UGGT1: variants seen among roughly 807,000 people sequenced by gnomAD.
UGGT1 encodes UDP-glucose:glycoprotein glucosyltransferase 1.
UGGT1 carries 107 observed loss-of-function variants against 203.9 expected under a neutral mutation model. The observed-to-expected ratio is 0.52, with a 90% CI of 0.45 to 0.62. The LOEUF is 0.62. UGGT1 is among the 20% of genes least tolerant of loss of function. The pLI is 0.00. For missense variants in UGGT1, 1,673 were observed against 1,867.2 expected, an observed-to-expected ratio of 0.90 and a Z score of 1.92; for synonymous variants, 628 against 653.5, an observed-to-expected ratio of 0.96 and a Z score of 0.59.
intron 2 of UGGT1, among the ~76,000 whole-genome samples, chr2:128,102,091 G>A (rs940989309): frequency 3.3e-5 from 5 of 151,494 alleles, no homozygotes; most frequent in African/African-American, 4.9e-5. Flanking sequence ...CTCTCCTCCC[G>A]CACTAGAATA....
intron 2 of UGGT1, among the ~76,000 whole-genome samples, chr2:128,097,869 A>C (rs186532795): frequency 2.0e-5 from 3 of 152,134 alleles, no homozygotes; most frequent in Non-Finnish European, 2.9e-5. Flanking sequence ...TTATTTATTT[A>C]TTTATTTTTG....
intron 19 of UGGT1, among the ~76,000 whole-genome samples, chr2:128,153,806 TC>T (rs1301032717): frequency 1.3e-5 from 2 of 152,192 alleles, no homozygotes; most frequent in Non-Finnish European, 2.9e-5. Flanking sequence ...TGCAATTTGT[TC>T]CTTGTGCCTT....
At chr2:128,094,265 G>A (rs1010630168) in intron 1 of UGGT1, among the ~76,000 whole-genome samples, 9 of 151,726 alleles carry the variant, frequency 5.9e-5, no homozygotes, top group African/African-American at 2.2e-4. Flanking sequence ...AAAAAAAAAA[G>A]AAAAACTCTG....
chr2:128,150,856 C>G (rs976815633), intron 18 of UGGT1, among the ~76,000 whole-genome samples: 1 of 151,098 alleles, frequency 6.6e-6, no homozygotes, highest in Admixed American at 6.6e-5. Context: ...ATTTTTTTTT[C>G]TTTTCTGTTT....
chr2:128,121,293 A>G lies in UGGT1; in HGVS notation c.1068A>G (p.Lys356=). The change falls in exon 10 of 41, where the codon AAA becomes AAG. Residue 356 remains lysine, a synonymous_variant. Transcript: ENST00000259253. The part of the protein sequence containing the change: ...MKDLSQNFPT[K]ARAITKTAVS... ...ATCTTAGTCAGAATTTTCCTACCAA[A>G]GCCAGGTAATGTAGAATAATGCTCT... 1 of 1,608,850 alleles carries G rather than the reference A, an allele frequency of 6.2e-7. No individual in the cohort carries two copies. Among genetic ancestry groups the G allele is most frequent in the South Asian group, 1.1e-5 (1 of 90,020 alleles).
chr2:128,171,918 T>G lies in UGGT1; in HGVS notation c.3104+634T>G, dbSNP rs148631369. Among the ~76,000 whole-genome samples, 1,264 of 152,332 alleles carry G rather than the reference T, an allele frequency of 8.3e-3. 8 individuals are homozygous for G. The highest frequency in any genetic ancestry group is 0.014 in the Non-Finnish European group (939 of 68,032). ...TCATGAGCTTTGGAATGGTCATTTA[T>G]GAAAAAAGTGATACAGAAAGCAGTT... On this transcript the variant is annotated intron_variant, in intron 28 of 40. Transcript: ENST00000259253.
At chr2:128,110,721 T>C (rs970082012) in intron 5 of UGGT1, among the ~76,000 whole-genome samples, 1 of 152,218 alleles carries the variant, frequency 6.6e-6, no homozygotes, top group East Asian at 1.9e-4. Context: ...TTTCTATGGT[T>C]TTAAATTTAT....
chr2:128,175,697 G>A (rs1290065966), intron 31 of UGGT1, among the ~76,000 whole-genome samples: 2 of 152,166 alleles, frequency 1.3e-5, no homozygotes, highest in Non-Finnish European at 2.9e-5. Context: ...TACAAAATTT[G>A]GGATGCACTT....
chr2:128,179,079 T>C (rs1691554375), intron 34 of UGGT1, among the ~76,000 whole-genome samples: 1 of 152,060 alleles, frequency 6.6e-6, no homozygotes, highest in African/African-American at 2.4e-5. Context: ...GGCTGCCTGA[T>C]GTAGTGGTCA....
intron 2 of UGGT1, 106 bp downstream of exon 2, chr2:128,097,670 T>TG: frequency 2.9e-6 from 4 of 1,388,632 alleles, no homozygotes; most frequent in Non-Finnish European, 3.9e-6. Flanking sequence ...CAAATGCATT[T>TG]ATGAAGAGCC....
At position 128,157,690 on chromosome 2, in the gene UGGT1, C is replaced by G. The variant is rs570660425; in HGVS notation, c.2355+344C>G. ...TGTATCGGGGAGATGGGGTCCTTAC[C>G]ACGACAGAGGTCTGGACATGGGGGC... is the stretch of plus-strand genomic sequence containing the variant. On this transcript the variant is annotated intron_variant, in intron 22 of 40. Coordinates refer to ENST00000259253, the MANE Select transcript of UGGT1 (RefSeq NM_020120.4). Among the ~76,000 whole-genome samples, 151 of 152,272 alleles carry G rather than the reference C, an allele frequency of 9.9e-4. 1 individual carries two copies. Among genetic ancestry groups the G allele is most frequent in the African/African-American group, 3.4e-3 (143 of 41,558 alleles).
At chr2:128,164,882 C>G in intron 26 of UGGT1, 57 bp downstream of exon 26, 1 of 1,317,018 alleles carries the variant, frequency 7.6e-7, no homozygotes, top group Non-Finnish European at 1.0e-6. Context: ...CTTATGTTTG[C>G]TTTACCTCAG....
chr2:128,157,496 G>T, intron 22 of UGGT1, 150 bp downstream of exon 22: 1 of 594,514 alleles, frequency 1.7e-6, no homozygotes, highest in Non-Finnish European at 2.9e-6. Context: ...CTAGAGATCT[G>T]CCAGCTCTCA....
intron 11 of UGGT1, among the ~76,000 whole-genome samples, chr2:128,124,718 T>C (rs184094256): frequency 1.3e-5 from 2 of 152,212 alleles, no homozygotes; most frequent in Admixed American, 1.3e-4. Context: ...GGTAAGAGTT[T>C]TTAACCTGTG....
chr2:128,114,243 G>A (rs903361978), intron 6 of UGGT1, among the ~76,000 whole-genome samples: 2 of 151,692 alleles, frequency 1.3e-5, no homozygotes, highest in Admixed American at 6.6e-5. Context: ...TCAGCCTCCC[G>A]AGTAGCTGGG....
intron 38 of UGGT1, among the ~76,000 whole-genome samples, chr2:128,185,492 T>TA (rs1430439961): frequency 2.8e-4 from 40 of 143,718 alleles, no homozygotes; most frequent in Non-Finnish European, 3.5e-4. Flanking sequence ...TTTTTTTTTT[T>TA]AGACAAGGTC....
intron 25 of UGGT1, 60 bp downstream of exon 25, chr2:128,161,328 A>G: frequency 1.3e-6 from 2 of 1,578,114 alleles, no homozygotes; most frequent in Non-Finnish European, 1.7e-6. Flanking sequence ...CTCATTGATC[A>G]GTTAGAATTA....
At chr2:128,150,584 T>C (rs1689905388) in intron 18 of UGGT1, among the ~76,000 whole-genome samples, 1 of 151,856 alleles carries the variant, frequency 6.6e-6, no homozygotes, top group Non-Finnish European at 1.5e-5. Flanking sequence ...TGTCTGTGTG[T>C]GCACGCATGT....
chr2:128,109,047 A>G (rs1276459944), intron 4 of UGGT1, among the ~76,000 whole-genome samples: 1 of 151,740 alleles, frequency 6.6e-6, no homozygotes, highest in African/African-American at 2.4e-5. Context: ...GCCTGCTACC[A>G]CACCCAGCTA....
Sources: gnomAD v4.1 joint callset for allele counts (sites outside exome capture counted in the v4.1 genomes callset) on GRCh38, gnomAD v4.1.1 for gene constraint, MANE v1.5 for transcripts, NCBI Gene and HGNC (gene_info 2026-07-23, HGNC 2026-07-21) for gene names.